Variants in BPIFC observed in about 807,000 individuals in gnomAD.
BPIFC encodes BPI fold-containing family C protein.
In BPIFC, 60 loss-of-function variants were observed where a neutral mutation model predicts 57.6. The ratio of observed to expected loss-of-function variants is 1.04; its 90% CI spans 0.85 to 1.29. The LOEUF (loss-of-function observed/expected upper bound fraction) is 1.29. Ranked by LOEUF, BPIFC falls within the 50% of genes most tolerant of loss-of-function variation. The probability of loss-of-function intolerance (pLI) is 0.00; values close to 1 mark genes in which losing one functional copy is unlikely to be tolerated. For missense variants in BPIFC, 581 were observed against 600.5 expected (o/e 0.97, Z 0.34); for synonymous variants, 243 against 224.5 (o/e 1.08, Z -0.74).
At chr22:32,422,826 A>T (rs1246402175) in intron 13 of BPIFC, among the ~76,000 whole-genome samples, 1 of 152,054 alleles carries the variant, frequency 6.6e-6, no homozygotes, top group Non-Finnish European at 1.5e-5. Context: ...TGGGGGGAAA[A>T]CAAGTTTCCC....
Position 32,414,310 on chromosome 22 carries a change from G to A in BPIFC, c.1517C>T (p.Ala506Val). 2 of 1,613,232 alleles carry A rather than the reference G, an allele frequency of 1.2e-6. No individual in the cohort carries two copies. Among genetic ancestry groups the A allele is most frequent in the Non-Finnish European group, 1.7e-6 (2 of 1,179,628 alleles). The change falls in exon 17 of 17, where the codon GCC (alanine) becomes GTC (valine). Residue 506 changes from alanine (A) to valine (V), a missense_variant. By Grantham distance (64) the Ala-to-Val change is moderately conservative. Transcript: ENST00000300399. ...LISRQWRGKSAP is the reference protein window; with the variant it reads ...LISRQWRGKSVP Reference sequence around the variant, plus strand: ...TGAATTGCAAACCGGCAATCAAGGGGCTGACTTCCCCCTCCACTGTCTGCT... The same window carrying A: ...TGAATTGCAAACCGGCAATCAAGGGACTGACTTCCCCCTCCACTGTCTGCT...
chr22:32,454,001 C>T (rs921942680), intron 3 of BPIFC, among the ~76,000 whole-genome samples: 1 of 152,022 alleles, frequency 6.6e-6, no homozygotes, highest in African/African-American at 2.4e-5. Flanking sequence ...GTACCAGTGA[C>T]TCAGGATGCT....
At chr22:32,456,412 C>T (rs990399471) in intron 3 of BPIFC, among the ~76,000 whole-genome samples, 10 of 149,690 alleles carry the variant, frequency 6.7e-5, no homozygotes, top group Non-Finnish European at 4.5e-5. Context: ...TCCTTCCCTC[C>T]CTCCCTCAAT....
chr22:32,447,384 A>G, intron 4 of BPIFC, 44 bp from the exon 5 acceptor site: 1 of 1,589,926 alleles, frequency 6.3e-7, no homozygotes. Flanking sequence ...CTTCCAGCAC[A>G]TCTCTTCAGT....
intron 6 of BPIFC, 52 bp downstream of exon 6, chr22:32,445,789 C>T: frequency 6.2e-7 from 1 of 1,603,598 alleles, no homozygotes; most frequent in Non-Finnish European, 8.5e-7. Flanking sequence ...TAGGCGATGC[C>T]TGAGTATCCA....
chr22:32,426,745 A>T (rs1251084512), intron 13 of BPIFC, among the ~76,000 whole-genome samples: 1 of 151,844 alleles, frequency 6.6e-6, no homozygotes, highest in Non-Finnish European at 1.5e-5. Flanking sequence ...TACAAAAATC[A>T]GCCATGTGTG....
rs772222586 is a variant in BPIFC at position 32,445,802 on chromosome 22, C to T, written c.530+39G>A. On this transcript the variant is annotated intron_variant, in intron 6 of 16. Coordinates refer to ENST00000300399, the MANE Select transcript of BPIFC (RefSeq NM_174932.3). ...CCTAGGCGATGCCTGAGTATCCAGC[C>T]CCTAACTAGCCACTGCCCAACCCAG... is the stretch of plus-strand genomic sequence containing the variant. 6.2e-6 allele frequency: 10 copies of T among 1,611,872 alleles called. No homozygotes were observed. The South Asian group carries it at 8.8e-5, about 14-fold the overall frequency.
chr22:32,417,083 A>G lies in BPIFC; in HGVS notation c.1324+2T>C. On this transcript the variant is annotated splice_donor_variant, in intron 15 of 16. Coordinates refer to ENST00000300399, the MANE Select transcript of BPIFC (RefSeq NM_174932.3). LOFTEE classifies it high-confidence loss of function. ...TCACATTGTTTTCCAATAATCCCTT[A>G]CCATTGGCCAGTGGGAGGACTCCAA... 1 of 1,591,536 alleles carries G rather than the reference A, an allele frequency of 6.3e-7. No individual in the cohort carries two copies. Among genetic ancestry groups the G allele is most frequent in the East Asian group, 2.2e-5 (1 of 44,736 alleles).
At chr22:32,451,999 C>T (rs1934907514) in intron 4 of BPIFC, among the ~76,000 whole-genome samples, 1 of 152,218 alleles carries the variant, frequency 6.6e-6, no homozygotes, top group East Asian at 1.9e-4. Flanking sequence ...CTCCAGGGCT[C>T]CAGTGATCCT....
chr22:32,442,483 T>C (rs991877949), intron 8 of BPIFC, among the ~76,000 whole-genome samples, 188 bp downstream of exon 8: 1 of 152,176 alleles, frequency 6.6e-6, no homozygotes, highest in Non-Finnish European at 1.5e-5. Flanking sequence ...AGTTAGTTAT[T>C]AGCCAAAGAG....
chr22:32,438,758 T>G (rs1034485783), intron 8 of BPIFC, among the ~76,000 whole-genome samples: 1 of 152,134 alleles, frequency 6.6e-6, no homozygotes, highest in Non-Finnish European at 1.5e-5. Context: ...TTTAGAGATA[T>G]GTATTGGCTT....
chr22:32,449,320 A>G (rs1014610347), intron 4 of BPIFC, among the ~76,000 whole-genome samples: 1 of 152,230 alleles, frequency 6.6e-6, no homozygotes, highest in Non-Finnish European at 1.5e-5. Flanking sequence ...CGGGGAGACA[A>G]AATGACTTCA....
chr22:32,453,378 C>T lies in BPIFC; in HGVS notation c.245+5G>A. The T allele has an allele frequency of 3.2e-6, 5 of 1,575,486 alleles. No homozygotes were observed. The highest frequency in any genetic ancestry group is 2.3e-5 in the East Asian group (1 of 44,258). ...AAGAGGCAAAATGCTCTTCTTTTTA[C>T]TTACTTTGAAAAATTGTAGTTTACA... On this transcript the variant is annotated splice_donor_5th_base_variant and intron_variant, in intron 4 of 16. Transcript: ENST00000300399.
chr22:32,435,748 G>C lies in BPIFC; in HGVS notation c.880C>G (p.His294Asp). The C allele has an allele frequency of 6.2e-7, 1 of 1,614,186 alleles. No individual in the cohort carries two copies. The highest frequency in any genetic ancestry group is 1.1e-5 in the South Asian group (1 of 91,072). ...ACATTGAAAACCCCAGCTGTGAAAT[G>C]AGCAAAGGACGCAGATTTAAAGAAA... ...EYFFKSASFA[H>D]FTAGVFNVTL... The change falls in exon 10 of 17, where the codon CAT becomes GAT. Residue 294 changes from histidine to aspartate, a missense_variant. His to Asp is a moderately conservative substitution (Grantham distance 81). Coordinates refer to ENST00000300399, the MANE Select transcript of BPIFC (RefSeq NM_174932.3).
At chr22:32,420,168 A>T (rs1429021247) in intron 13 of BPIFC, among the ~76,000 whole-genome samples, 2 of 151,940 alleles carry the variant, frequency 1.3e-5, no homozygotes, top group Non-Finnish European at 2.9e-5. Flanking sequence ...AATACAAAAA[A>T]TTAGCAGGAC....
intron 7 of BPIFC, among the ~76,000 whole-genome samples, chr22:32,444,984 C>A (rs1290904185): frequency 6.6e-6 from 1 of 152,198 alleles, no homozygotes; most frequent in Non-Finnish European, 1.5e-5. Context: ...AGATCCTAGT[C>A]CATGGCAGCT....
chr22:32,418,643 G>T (rs1933750669), intron 14 of BPIFC, among the ~76,000 whole-genome samples: 1 of 152,020 alleles, frequency 6.6e-6, no homozygotes, highest in African/African-American at 2.4e-5. Context: ...AACAGTTCCG[G>T]GCTCAATAAG....
chr22:32,423,577 G>GTGT lies in BPIFC; in HGVS notation c.1218-4174_1218-4173insACA, dbSNP rs1933908386. 6.0e-3 allele frequency among the ~76,000 whole-genome samples: 866 copies of GTGT among 143,246 alleles called. 17 individuals are homozygous for GTGT. Among genetic ancestry groups the GTGT allele is most frequent in the Admixed American group, 0.019 (270 of 14,380 alleles). The allele number at this position is 143,246 out of a possible 152,430, so 94.0% of individuals were successfully genotyped here. On this transcript the variant is annotated intron_variant, in intron 13 of 16. Coordinates refer to ENST00000300399, the MANE Select transcript of BPIFC (RefSeq NM_174932.3). ...TGCTTGGGAGGAGTTGTAGGGTGTG[G>GTGT]GTGTGTGTGTGTGTGTGTGTGTGTG...
chr22:32,425,237 A>G lies in BPIFC; in HGVS notation c.1218-5833T>C, dbSNP rs1475523564. ...ACCTTCAGTAAGTTATTTAATCTCT[A>G]CAAACTGTAAAATGGGGATAATAGT... is the stretch of plus-strand genomic sequence containing the variant. On this transcript the variant is annotated intron_variant, in intron 13 of 16. Transcript: ENST00000300399. 3.3e-5 allele frequency among the ~76,000 whole-genome samples: 5 copies of G among 152,150 alleles called. No homozygotes were observed. The East Asian group carries it at 7.7e-4, about 23-fold the overall frequency.
Sources: allele counts gnomAD v4.1 joint callset (sites outside exome capture counted in the v4.1 genomes callset), GRCh38; gene constraint gnomAD v4.1.1; transcripts MANE v1.5; gene names NCBI Gene and HGNC (gene_info 2026-07-23, HGNC 2026-07-21).